The following EPS8L2 variants were observed in gnomAD, a reference collection of about 807,000 sequenced individuals.
EPS8L2 encodes the protein epidermal growth factor receptor kinase substrate 8-like protein 2.
Under a neutral mutation model 99.4 loss-of-function variants are expected in EPS8L2, and 81 were observed. The observed-to-expected ratio is 0.82, with a 90% confidence interval of 0.68 to 0.98. The LOEUF is 0.98. Among genes scored for constraint, EPS8L2 ranks in the 50% least tolerant of loss-of-function variants. EPS8L2 has a pLI of 0.00. For missense variants in EPS8L2, 1,155 were observed against 968.8 expected (o/e 1.19, Z -2.55); for synonymous variants, 509 against 407.3 (o/e 1.25, Z -3.01).
intron 4 of EPS8L2, among the ~76,000 whole-genome samples, chr11:713,433 G>A (rs1861938706): frequency 6.6e-6 from 1 of 152,232 alleles, no homozygotes; most frequent in Admixed American, 6.5e-5. Context: ...CCAGGCTGGA[G>A]TGCAATGGCG....
chr11:721,697 G>A lies in EPS8L2; in HGVS notation c.895+6G>A, dbSNP rs1862178878. On this transcript the variant is annotated splice_donor_region_variant and intron_variant, in intron 10 of 20. Transcript: ENST00000318562. The stretch of plus-strand genomic sequence containing the variant: ...GGGCAAGAAGGCGCCAGCAGGTGCA[G>A]GGGACAGGGACGGGGCCGGCAGGTG... 2 of 1,599,364 alleles carry A rather than the reference G, an allele frequency of 1.3e-6. No homozygotes were observed. Among genetic ancestry groups the A allele is most frequent in the Non-Finnish European group, 1.7e-6 (2 of 1,173,734 alleles).
chr11:722,888 C>T, intron 14 of EPS8L2, 83 bp downstream of exon 14: 1 of 919,234 alleles, frequency 1.1e-6, no homozygotes, highest in East Asian at 2.8e-5. Context: ...CTGACACCCA[C>T]CCCTCCCCAG....
chr11:714,987 A>C (rs927761456), intron 4 of EPS8L2, among the ~76,000 whole-genome samples: 2 of 152,122 alleles, frequency 1.3e-5, no homozygotes, highest in African/African-American at 2.4e-5. Context: ...TCATGCCTGT[A>C]ATCCCAGCAC....
Position 727,430 on chromosome 11 carries a change from G to A in EPS8L2, c.*449G>A, listed in dbSNP as rs530722654. The A allele has an allele frequency of 6.5e-4, 100 of 154,942 alleles. No homozygotes were observed. The highest frequency in any genetic ancestry group is 3.4e-3 in the Middle Eastern group (1 of 298). The allele number at this position is 154,942 out of a possible 1,614,324, so 9.6% of individuals were successfully genotyped here. A position where few individuals can be genotyped will look rare whatever the true frequency, so the allele number is the denominator to read the frequency against. On this transcript the variant is annotated 3_prime_UTR_variant, in exon 21 of 21. Coordinates refer to ENST00000318562, the MANE Select transcript of EPS8L2 (RefSeq NM_022772.4). ...GAGTTCTGCTCCCTGAGGGGGGCCC[G>A]GGAGGGGCTCCAGCAGGAGGCCGTG...
At chr11:720,296 A>G in intron 5 of EPS8L2, 73 bp downstream of exon 5, 1 of 1,513,898 alleles carries the variant, frequency 6.6e-7, no homozygotes, top group East Asian at 2.3e-5. Flanking sequence ...TGCAGCCCGG[A>G]TGTGCGGCCG....
chr11:721,084 G>C lies in EPS8L2; in HGVS notation c.578G>C (p.Arg193Pro), dbSNP rs369270282. The change falls in exon 8 of 21, where the codon CGG (arginine) becomes CCG (proline). Residue 193 changes from arginine to proline, a missense_variant. Transcript: ENST00000318562. ...QTLKGHQEKI[R>P]QRQSILPPPQ... ...TCCAGGGGACACCAGGAGAAGATTC[G>C]GCAGCGGCAGTCCATCCTGCCTCCT... 2.0e-6 allele frequency: 3 copies of C among 1,504,902 alleles called. No homozygotes were observed. Among genetic ancestry groups the C allele is most frequent in the African/African-American group, 1.4e-5 (1 of 71,670 alleles). 93.2% of individuals were successfully genotyped at this position (1,504,902 alleles called of 1,614,324 possible).
At chr11:720,504 G>A (rs1235248295) in intron 5 of EPS8L2, 93 bp from the exon 6 acceptor site, 3 of 1,534,206 alleles carry the variant, frequency 2.0e-6, no homozygotes, top group African/African-American at 2.7e-5. Flanking sequence ...CGCCAGAGGG[G>A]CCTGTGCTCC....
At chr11:707,485 C>G (rs1861757470) in intron 1 of EPS8L2, among the ~76,000 whole-genome samples, 1 of 152,208 alleles carries the variant, frequency 6.6e-6, no homozygotes, top group Non-Finnish European at 1.5e-5. Flanking sequence ...CCCTCCACAG[C>G]CCGACTGACC....
intron 1 of EPS8L2, among the ~76,000 whole-genome samples, chr11:707,034 C>G (rs1421017320): frequency 2.6e-5 from 4 of 152,054 alleles, no homozygotes; most frequent in Admixed American, 2.6e-4. Context: ...CGGGCATGCC[C>G]GGACCTCTGC....
Position 720,043 on chromosome 11 carries a change from A to G in EPS8L2, c.166-19A>G, listed in dbSNP as rs756912243. 6.2e-6 allele frequency: 10 copies of G among 1,605,046 alleles called. No homozygotes were observed. The highest frequency in any genetic ancestry group is 4.3e-6 in the Non-Finnish European group (5 of 1,175,920). On this transcript the variant is annotated intron_variant, in intron 4 of 20. Coordinates refer to ENST00000318562, the MANE Select transcript of EPS8L2 (RefSeq NM_022772.4). ...ACAAGGAGGGCTCTGCCCAGCAGTG[A>G]CCACCTGCCCACCCCCAGCACCTGG...
intron 18 of EPS8L2, 61 bp downstream of exon 18, chr11:726,231 T>TTG (rs1564980178): frequency 2.3e-5 from 36 of 1,540,058 alleles, no homozygotes; most frequent in Non-Finnish European, 3.2e-5. Context: ...GGAGGAAGTG[T>TTG]GGGGGGGGTC....
At chr11:720,983 C>CAGGGGAGGGGAGGAGCCCGGA in intron 7 of EPS8L2, 74 bp downstream of exon 7, 1 of 1,367,610 alleles carries the variant, frequency 7.3e-7, no homozygotes, top group Non-Finnish European at 9.8e-7. Flanking sequence ...GAGGAGCCGG[C>CAGGGGAGGGGAGGAGCCCGGA]AGGGGAGGGG....
chr11:722,070 C>T (rs1430911021), intron 11 of EPS8L2, 21 bp from the exon 12 acceptor site: 1 of 1,612,604 alleles, frequency 6.2e-7, no homozygotes, highest in East Asian at 2.2e-5. Context: ...CCGGCACCTG[C>T]TCACTTGTTC....
chr11:715,058 T>A (rs143261221), intron 4 of EPS8L2, among the ~76,000 whole-genome samples: 3 of 152,000 alleles, frequency 2.0e-5, no homozygotes, highest in Non-Finnish European at 2.9e-5. Flanking sequence ...CTGGCTAACA[T>A]GGTGAAACCC....
intron 14 of EPS8L2, 73 bp downstream of exon 14, chr11:722,878 C>A: frequency 9.8e-7 from 1 of 1,025,476 alleles, no homozygotes; most frequent in Non-Finnish European, 1.4e-6. Context: ...CCCCCCAGCC[C>A]TGACACCCAC....
At chr11:710,375 C>T (rs761996508) in intron 3 of EPS8L2, 47 bp from the exon 4 acceptor site, 64 of 1,579,712 alleles carry the variant, frequency 4.1e-5, no homozygotes, top group Non-Finnish European at 2.9e-5. Context: ...GGACGGGAGG[C>T]TGTGGGTCCT....
Position 710,635 on chromosome 11 carries a change from G to T in EPS8L2, c.165+149G>T, listed in dbSNP as rs145656059. The T allele has an allele frequency of 4.1e-3, 3,227 of 789,938 alleles. 76 individuals carry two copies. In the African/African-American group the frequency reaches 0.047, roughly 11 times the overall value. The allele number at this position is 789,938 out of a possible 1,614,324, so 48.9% of individuals were successfully genotyped here. On this transcript the variant is annotated intron_variant, in intron 4 of 20. Coordinates refer to ENST00000318562, the MANE Select transcript of EPS8L2 (RefSeq NM_022772.4). ...GCCCTGCTACTGGGGAGGCTGAGGCGAGGGGGTCACTTGAGCCCGGGAGGC... is the reference window on the plus strand; with the variant it reads ...GCCCTGCTACTGGGGAGGCTGAGGCTAGGGGGTCACTTGAGCCCGGGAGGC...
rs1862350875 is a variant in EPS8L2, at chr11:727,038, G to A, written c.*57G>A. On this transcript the variant is annotated 3_prime_UTR_variant, in exon 21 of 21. Transcript: ENST00000318562. ...GGGAAGCCCACCCACAATGCATGGA[G>A]TATTATTTTTATATGTGTATGTATT... The A allele has an allele frequency of 8.4e-7, 1 of 1,191,722 alleles. No homozygotes were observed. Among genetic ancestry groups the A allele is most frequent in the Admixed American group, 1.9e-5 (1 of 52,234 alleles). 73.8% of individuals were successfully genotyped at this position (1,191,722 alleles called of 1,614,324 possible).
chr11:715,910 G>A (rs1032371841), intron 4 of EPS8L2, among the ~76,000 whole-genome samples: 3 of 150,148 alleles, frequency 2.0e-5, no homozygotes, highest in African/African-American at 2.5e-5. Flanking sequence ...ATGAGCCACC[G>A]CGCCCGGCAT....
Sources: allele counts gnomAD v4.1 joint callset (sites outside exome capture counted in the v4.1 genomes callset), GRCh38; gene constraint gnomAD v4.1.1; transcripts MANE v1.5; gene names NCBI Gene and HGNC (gene_info 2026-07-23, HGNC 2026-07-21).